Variants in NALF1 observed in about 807,000 individuals in gnomAD.
NALF1 encodes NALCN channel auxiliary factor 1.
A neutral mutation model predicts 48.4 loss-of-function variants in NALF1; 3 were observed. That is an observed-to-expected ratio of 0.06 (90% CI 0.03 to 0.16). The LOEUF (loss-of-function observed/expected upper bound fraction) is 0.16, where lower values mean the gene tolerates loss of function less well. Among genes scored for constraint, NALF1 ranks in the 10% least tolerant of loss-of-function variants. The probability of loss-of-function intolerance (pLI) is 1.00; values close to 1 mark genes in which losing one functional copy is unlikely to be tolerated. For missense variants in NALF1, 526 were observed against 571.5 expected, an observed-to-expected ratio of 0.92 and a Z score of 0.81; for synonymous variants, 262 against 245.7, an observed-to-expected ratio of 1.07 and a Z score of -0.62.
intron 1 of NALF1, among the ~76,000 whole-genome samples, chr13:107,261,984 C>T (rs1233674571): frequency 6.6e-6 from 1 of 152,066 alleles, no homozygotes; most frequent in Non-Finnish European, 1.5e-5. Flanking sequence ...ATATCAGGGG[C>T]AACAAATCAC....
intron 1 of NALF1, among the ~76,000 whole-genome samples, chr13:107,556,296 T>TATATAC (rs1181358439): frequency 2.1e-3 from 205 of 98,548 alleles, no homozygotes; most frequent in African/African-American, 7.6e-3. Flanking sequence ...TATATATATA[T>TATATAC]ACACACACAC....
rs111859554 is a variant in NALF1, at chr13:107,780,212, T to C, written c.915+85470A>G. On this transcript the variant is annotated intron_variant, in intron 1 of 2. Coordinates refer to ENST00000375915, the MANE Select transcript of NALF1 (RefSeq NM_001080396.3). ...CAATCTCAATCTTCCCTTACACTTA[T>C]ATGTGTGATCCTTTCACTATTTGTA... Among the ~76,000 whole-genome samples the C allele has an allele frequency of 3.8e-3, 584 of 152,220 alleles. 5 individuals carry two copies. Among genetic ancestry groups the C allele is most frequent in the Non-Finnish European group, 5.6e-3 (378 of 68,026 alleles).
chr13:107,523,753 AT>A (rs1876331400), intron 1 of NALF1, among the ~76,000 whole-genome samples: 1 of 152,096 alleles, frequency 6.6e-6, no homozygotes, highest in Non-Finnish European at 1.5e-5. Flanking sequence ...TAAGATAAAA[AT>A]AACAAATTAT....
intron 1 of NALF1, among the ~76,000 whole-genome samples, chr13:107,829,555 T>C (rs1454992153): frequency 1.3e-5 from 2 of 152,110 alleles, no homozygotes; most frequent in Non-Finnish European, 2.9e-5. Flanking sequence ...TTAAGGGCCA[T>C]GTTATGAAGA....
intron 1 of NALF1, among the ~76,000 whole-genome samples, chr13:107,601,083 G>A (rs1367790302): frequency 6.6e-6 from 1 of 152,170 alleles, no homozygotes; most frequent in Admixed American, 6.5e-5. Flanking sequence ...AGCCCTGAAA[G>A]CAATGTCAGT....
chr13:107,189,735 A>C (rs948794188), intron 2 of NALF1, among the ~76,000 whole-genome samples: 20 of 152,240 alleles, frequency 1.3e-4, no homozygotes, highest in Admixed American at 3.3e-4. Context: ...ACTATGAACT[A>C]ACCAGTATGG....
chr13:107,632,465 G>A (rs1164598715), intron 1 of NALF1, among the ~76,000 whole-genome samples: 1 of 151,786 alleles, frequency 6.6e-6, no homozygotes, highest in Non-Finnish European at 1.5e-5. Flanking sequence ...CCTTCCTAAG[G>A]AACCCACCTC....
intron 1 of NALF1, among the ~76,000 whole-genome samples, chr13:107,228,213 T>A (rs932490927): frequency 2.0e-5 from 3 of 152,204 alleles, no homozygotes; most frequent in Non-Finnish European, 4.4e-5. Context: ...TGAAGCAGCA[T>A]GGAATTATGA....
chr13:107,725,767 G>A (rs1351814464), intron 1 of NALF1, among the ~76,000 whole-genome samples: 1 of 151,824 alleles, frequency 6.6e-6, no homozygotes, highest in African/African-American at 2.4e-5. Flanking sequence ...GATTGTATTC[G>A]GTAGACAAAA....
At chr13:107,615,428 T>C (rs750628274) in intron 1 of NALF1, among the ~76,000 whole-genome samples, 6 of 152,192 alleles carry the variant, frequency 3.9e-5, no homozygotes, top group Non-Finnish European at 5.9e-5. Context: ...CAAAGTCTCA[T>C]GATTGTTTCA....
chr13:107,529,632 G>A (rs1185866522), intron 1 of NALF1, among the ~76,000 whole-genome samples: 6 of 152,124 alleles, frequency 3.9e-5, no homozygotes, highest in African/African-American at 7.2e-5. Context: ...AGATGGCCCC[G>A]CAGGACAGTA....
At chr13:107,513,731 G>C (rs891168109) in intron 1 of NALF1, among the ~76,000 whole-genome samples, 2 of 152,174 alleles carry the variant, frequency 1.3e-5, no homozygotes, top group Admixed American at 6.5e-5. Context: ...GCACATGAAG[G>C]GATGCAAAAC....
chr13:107,384,616 C>G (rs1313343235), intron 1 of NALF1, among the ~76,000 whole-genome samples: 1 of 151,910 alleles, frequency 6.6e-6, no homozygotes, highest in Non-Finnish European at 1.5e-5. Flanking sequence ...TAAATAAAAC[C>G]AGGCAAGGCA....
chr13:107,194,736 A>C (rs1566447120), intron 2 of NALF1, among the ~76,000 whole-genome samples: 1 of 152,188 alleles, frequency 6.6e-6, no homozygotes, highest in Admixed American at 6.5e-5. Flanking sequence ...TTAAACTAAA[A>C]GCCTTCTGCA....
At chr13:107,627,339 GT>G (rs1443227551) in intron 1 of NALF1, among the ~76,000 whole-genome samples, 1 of 152,052 alleles carries the variant, frequency 6.6e-6, no homozygotes, top group Non-Finnish European at 1.5e-5. Flanking sequence ...ATCAAACCCT[GT>G]GTTATTAAAG....
chr13:107,314,872 A>G (rs1882115044), intron 1 of NALF1, among the ~76,000 whole-genome samples: 1 of 152,170 alleles, frequency 6.6e-6, no homozygotes. Context: ...AGCTCACGCA[A>G]TTCAAATAGT....
chr13:107,470,101 A>G (rs1342759569), intron 1 of NALF1, among the ~76,000 whole-genome samples: 3 of 152,268 alleles, frequency 2.0e-5, no homozygotes, highest in East Asian at 1.9e-4. Context: ...TAATAAATCA[A>G]TATTTATAAT....
chr13:107,857,744 G>C (rs916169534), intron 1 of NALF1, among the ~76,000 whole-genome samples: 1 of 152,138 alleles, frequency 6.6e-6, no homozygotes, highest in Non-Finnish European at 1.5e-5. Context: ...CAATAAATCA[G>C]AGGATTTTAC....
intron 2 of NALF1, among the ~76,000 whole-genome samples, chr13:107,186,836 G>GT (rs1301225129): frequency 6.6e-6 from 1 of 152,128 alleles, no homozygotes; most frequent in Non-Finnish European, 1.5e-5. Context: ...GATTTAACTG[G>GT]TTTATCTACT....
Sources: allele counts gnomAD v4.1 joint callset (sites outside exome capture counted in the v4.1 genomes callset), GRCh38; gene constraint gnomAD v4.1.1; transcripts MANE v1.5; gene names NCBI Gene and HGNC (gene_info 2026-07-23, HGNC 2026-07-21).